GAS2: variants seen among roughly 807,000 people sequenced by gnomAD.
GAS2 encodes growth arrest-specific protein 2.
A neutral mutation model predicts 37.5 loss-of-function variants in GAS2; 20 were observed. That is an observed-to-expected ratio of 0.53 (90% CI 0.37 to 0.77). GAS2 has a LOEUF of 0.77. Among genes scored for constraint, GAS2 ranks in the 30% least tolerant of loss-of-function variants. GAS2 has a pLI of 0.00. For synonymous variants in GAS2, 144 were observed against 132.2 expected, an observed-to-expected ratio of 1.09 and a Z score of -0.61; for missense variants, 336 against 373.4, an observed-to-expected ratio of 0.90 and a Z score of 0.82.
intron 3 of GAS2, among the ~76,000 whole-genome samples, chr11:22,692,838 A>G (rs1850314883): frequency 6.6e-6 from 1 of 152,136 alleles, no homozygotes; most frequent in Non-Finnish European, 1.5e-5. Context: ...TAAACATTTA[A>G]TGTTTCATGA....
chr11:22,736,384 C>T (rs963542476), intron 4 of GAS2, among the ~76,000 whole-genome samples: 2 of 151,850 alleles, frequency 1.3e-5, no homozygotes, highest in African/African-American at 4.8e-5. Context: ...TCAGATTTTC[C>T]ATAATCGGCT....
chr11:22,770,331 T>G lies in GAS2; in HGVS notation c.723+14378T>G, dbSNP rs920780373. Among the ~76,000 whole-genome samples the G allele has an allele frequency of 2.0e-5, 3 of 152,144 alleles. No homozygotes were observed. The South Asian group carries it at 6.2e-4, about 32-fold the overall frequency. ...CATAAAGTTTAAATAAACAAATAAA[T>G]AAATAGCAATGGTAGGGCCATTACT... On this transcript the variant is annotated intron_variant, in intron 7 of 7. Transcript: ENST00000454584.
intron 1 of GAS2, among the ~76,000 whole-genome samples, chr11:22,640,499 A>G (rs1203999386): frequency 1.3e-5 from 2 of 152,146 alleles, no homozygotes; most frequent in South Asian, 2.1e-4. Context: ...AATTTTACCT[A>G]TTTTATCAAC....
intron 3 of GAS2, among the ~76,000 whole-genome samples, chr11:22,714,537 T>C (rs1565104397): frequency 6.6e-6 from 1 of 152,130 alleles, no homozygotes; most frequent in Non-Finnish European, 1.5e-5. Context: ...TTCACAGATA[T>C]TTACAGAATA....
chr11:22,718,461 T>C (rs61889454), intron 3 of GAS2, among the ~76,000 whole-genome samples: 2,233 of 150,662 alleles, frequency 0.015, 28 homozygotes, highest in Non-Finnish European at 0.025. Context: ...GGAGCTAAGC[T>C]ATGAAGATGA....
chr11:22,758,370 C>T (rs185370371), intron 7 of GAS2, among the ~76,000 whole-genome samples: 14 of 152,264 alleles, frequency 9.2e-5, no homozygotes, highest in Admixed American at 8.5e-4. Context: ...CTAATACGGT[C>T]ATATTTACTG....
At chr11:22,782,716 C>G (rs2134501240) in intron 7 of GAS2, among the ~76,000 whole-genome samples, 1 of 143,842 alleles carries the variant, frequency 7.0e-6, no homozygotes, top group Non-Finnish European at 1.5e-5. Context: ...CCAGCTGCAT[C>G]CATGTTGCTG....
chr11:22,633,822 T>C (rs1858780530), intron 1 of GAS2, among the ~76,000 whole-genome samples: 1 of 152,298 alleles, frequency 6.6e-6, no homozygotes, highest in Non-Finnish European at 1.5e-5. Flanking sequence ...TCTGTAGGAA[T>C]GGTGATGTTA....
chr11:22,765,339 A>G (rs1854629896), intron 7 of GAS2, among the ~76,000 whole-genome samples: 1 of 152,208 alleles, frequency 6.6e-6, no homozygotes, highest in African/African-American at 2.4e-5. Flanking sequence ...TGACATTTTA[A>G]CTGATTTTAA....
At chr11:22,774,767 T>C (rs1855164606) in intron 7 of GAS2, among the ~76,000 whole-genome samples, 1 of 151,580 alleles carries the variant, frequency 6.6e-6, no homozygotes, top group East Asian at 1.9e-4. Context: ...AGTTTACCTA[T>C]CGTGATTTTT....
At chr11:22,712,501 G>C (rs1851456405) in intron 3 of GAS2, among the ~76,000 whole-genome samples, 1 of 152,172 alleles carries the variant, frequency 6.6e-6, no homozygotes, top group South Asian at 2.1e-4. Flanking sequence ...GAAGAAAGGG[G>C]AGAGCACCAC....
chr11:22,683,042 G>A (rs1849770534), intron 2 of GAS2, among the ~76,000 whole-genome samples: 1 of 152,068 alleles, frequency 6.6e-6, no homozygotes, highest in Admixed American at 6.5e-5. Flanking sequence ...CAGGCTACCT[G>A]TGTGGTGAGT....
intron 7 of GAS2, among the ~76,000 whole-genome samples, chr11:22,787,165 T>C (rs1250249926): frequency 1.3e-5 from 2 of 152,200 alleles, no homozygotes; most frequent in Non-Finnish European, 2.9e-5. Context: ...AGATTCCTGC[T>C]CTCAAAAAGC....
chr11:22,732,524 C>G (rs1852528112), intron 4 of GAS2, among the ~76,000 whole-genome samples: 1 of 151,664 alleles, frequency 6.6e-6, no homozygotes, highest in East Asian at 1.9e-4. Context: ...TTTCCTTCTT[C>G]TCAGCAGCCT....
chr11:22,781,176 C>T (rs1171525123), intron 7 of GAS2, among the ~76,000 whole-genome samples: 3 of 152,010 alleles, frequency 2.0e-5, no homozygotes, highest in South Asian at 2.1e-4. Flanking sequence ...AAGGGACAGC[C>T]CACACACACT....
At chr11:22,645,577 T>C (rs1432029856) in intron 1 of GAS2, among the ~76,000 whole-genome samples, 3 of 151,996 alleles carry the variant, frequency 2.0e-5, no homozygotes, top group African/African-American at 7.3e-5. Flanking sequence ...TTTGTTTCTT[T>C]AGTGGGAAAT....
rs755784400 is a variant in GAS2, at chr11:22,685,763, A to G, written c.241A>G (p.Ser81Gly). Residue 81 changes from serine (S) to glycine (G), a missense_variant, in exon 3 of 8, where the codon AGC becomes GGC. Physicochemically the swap from Ser to Gly is moderately conservative, Grantham distance 56. Transcript: ENST00000454584. Reference sequence around the variant, plus strand: ...AACTATGCAGGAGAAATTCAAGGAGAGCATGGATGCTAACAAGCCCACAAA... The same window carrying G: ...AACTATGCAGGAGAAATTCAAGGAGGGCATGGATGCTAACAAGCCCACAAA... Reference protein sequence around the residue: ...AETMQEKFKESMDANKPTKNL... With the variant: ...AETMQEKFKEGMDANKPTKNL... 46 of 1,613,600 alleles carry G rather than the reference A, an allele frequency of 2.9e-5. No homozygotes were observed. Among genetic ancestry groups the G allele is most frequent in the Non-Finnish European group, 3.8e-5 (45 of 1,179,864 alleles).
At chr11:22,779,150 A>C (rs771453918) in intron 7 of GAS2, among the ~76,000 whole-genome samples, 3 of 151,314 alleles carry the variant, frequency 2.0e-5, no homozygotes, top group Admixed American at 1.3e-4. Flanking sequence ...TTGAAATTCT[A>C]TCTCTCCACC....
At chr11:22,667,306 A>G (rs1431999233) in intron 1 of GAS2, 1 of 152,194 alleles carries the variant, frequency 6.6e-6, no homozygotes, top group Non-Finnish European at 1.5e-5. Context: ...TCTGTAATGC[A>G]TGCTCAGCAT....
Sources: allele counts gnomAD v4.1 joint callset (sites outside exome capture counted in the v4.1 genomes callset), GRCh38; gene constraint gnomAD v4.1.1; transcripts MANE v1.5; gene names NCBI Gene and HGNC (gene_info 2026-07-23, HGNC 2026-07-21).